The following ZNF611 variants were observed in gnomAD, a reference collection of about 807,000 sequenced individuals.
ZNF611 encodes zinc finger protein 611.
Under a neutral mutation model 8.9 loss-of-function variants are expected in ZNF611, and 6 were observed. That is an observed-to-expected ratio of 0.68 (90% CI 0.37 to 1.34). The LOEUF is 1.34. Among genes scored for constraint, ZNF611 ranks in the 40% most tolerant of loss-of-function variants. The pLI, the probability that ZNF611 is intolerant of heterozygous loss-of-function variation, is 0.02. For missense variants in ZNF611, 874 were observed against 841.3 expected, an observed-to-expected ratio of 1.04 and a Z score of -0.48; for synonymous variants, 262 against 279.7, an observed-to-expected ratio of 0.94 and a Z score of 0.63.
rs780930363 is a variant in ZNF611, at chr19:52,705,534, C to T, written c.1521G>A (p.Glu507=). Residue 507 remains glutamate (E), a synonymous_variant, in exon 6 of 6, where the codon GAG becomes GAA. Transcript: ENST00000652185. ...LLIHKSIHTG[E]QPYKCDECEK... ...CACATTCATCACATTTGTAAGGTTG[C>T]TCCCCAGTATGAATTGACTTATGAA... is the stretch of plus-strand genomic sequence containing the variant. 8.7e-6 allele frequency: 14 copies of T among 1,613,948 alleles called. 1 individual carries two copies. The Admixed American group carries it at 1.8e-4, about 21-fold the overall frequency.
At chr19:52,713,762 A>T (rs1487090047) in intron 5 of ZNF611, among the ~76,000 whole-genome samples, 3 of 152,024 alleles carry the variant, frequency 2.0e-5, no homozygotes, top group Non-Finnish European at 4.4e-5. Context: ...GTGGTCTCGC[A>T]TGCCTATAAT....
chr19:52,711,578 A>T lies in ZNF611; in HGVS notation c.190+2437T>A, dbSNP rs141851193. ...ACACAGAAAATATGAGGAGAACAGA[A>T]AGAAGTACATCAAGGGGGATACAAG... On this transcript the variant is annotated intron_variant, in intron 5 of 5. Coordinates refer to ENST00000652185, the MANE Select transcript of ZNF611 (RefSeq NM_001161499.2). Among the ~76,000 whole-genome samples, 465 of 152,266 alleles carry T rather than the reference A, an allele frequency of 3.1e-3. 2 individuals carry two copies. Among genetic ancestry groups the T allele is most frequent in the African/African-American group, 9.7e-3 (404 of 41,536 alleles).
chr19:52,712,482 A>C (rs1436684886), intron 5 of ZNF611, among the ~76,000 whole-genome samples: 1 of 148,676 alleles, frequency 6.7e-6, no homozygotes, highest in Non-Finnish European at 1.5e-5. Context: ...AAAAAAAAAA[A>C]AAAAACATTG....
At chr19:52,713,614 G>C (rs2062294670) in intron 5 of ZNF611, among the ~76,000 whole-genome samples, 1 of 152,108 alleles carries the variant, frequency 6.6e-6, no homozygotes, top group African/African-American at 2.4e-5. Flanking sequence ...AGAATGAGCT[G>C]GGCATGGTGG....
chr19:52,725,826 G>A (rs553469621), intron 3 of ZNF611, among the ~76,000 whole-genome samples: 1 of 152,264 alleles, frequency 6.6e-6, no homozygotes, highest in East Asian at 1.9e-4. Flanking sequence ...CGGGGCCTGG[G>A]TGGGACAGAG....
chr19:52,706,363 A>G lies in ZNF611; in HGVS notation c.692T>C (p.Phe231Ser), dbSNP rs1191460495. Residue 231 changes from phenylalanine (F) to serine (S), a missense_variant, in exon 6 of 6, where the codon TTC becomes TCC. Phe to Ser is a radical substitution (Grantham distance 155, BLOSUM62 -2). Transcript: ENST00000652185. ...GGCTTTGCCACTCTTATTACATTGG[A>G]AAGATTTTTCTCTCATGTGTACTTC... The part of the protein sequence containing the change: ...KQEVHMREKS[F>S]QCNKSGKAFN... The G allele has an allele frequency of 1.9e-6, 3 of 1,614,188 alleles. No individual in the cohort carries two copies. Among genetic ancestry groups the G allele is most frequent in the Non-Finnish European group, 2.5e-6 (3 of 1,180,042 alleles).
chr19:52,734,536 C>G (rs867374468), intron 1 of ZNF611, among the ~76,000 whole-genome samples: 30 of 129,324 alleles, frequency 2.3e-4, no homozygotes, highest in East Asian at 7.6e-4. Flanking sequence ...AGGTGCGGGG[C>G]GGGGGGGGGG....
Position 52,735,008 on chromosome 19 carries a change from A to T in ZNF611, c.-229T>A, listed in dbSNP as rs1456270629. 1 of 153,080 alleles carries T rather than the reference A, an allele frequency of 6.5e-6. No homozygotes were observed. Among genetic ancestry groups the T allele is most frequent in the African/African-American group, 2.4e-5 (1 of 41,408 alleles). The allele number at this position is 153,080 out of a possible 1,614,324, so 9.5% of individuals were successfully genotyped here. A position where few individuals can be genotyped will look rare whatever the true frequency, so the allele number is the denominator to read the frequency against. ...ACACAGAGCAAAACTCACCGCGGCG[A>T]TATGACCTACACTCCACCCGATCCG... On this transcript the variant is annotated 5_prime_UTR_variant, in exon 1 of 6. Transcript: ENST00000652185.
At chr19:52,725,054 A>G (rs938942659) in intron 3 of ZNF611, among the ~76,000 whole-genome samples, 2 of 151,294 alleles carry the variant, frequency 1.3e-5, no homozygotes, top group African/African-American at 2.4e-5. Flanking sequence ...CCCTCTCTCT[A>G]TCTCCTCATC....
chr19:52,725,378 A>C (rs147872762), intron 3 of ZNF611, among the ~76,000 whole-genome samples: 1,534 of 152,250 alleles, frequency 0.01, 17 homozygotes, highest in African/African-American at 0.034. Flanking sequence ...GCTCCAGGGG[A>C]GGCCGACGGG....
chr19:52,714,756 T>A (rs533185604), intron 4 of ZNF611, among the ~76,000 whole-genome samples: 38 of 135,928 alleles, frequency 2.8e-4, no homozygotes, highest in African/African-American at 1.0e-3. Flanking sequence ...TCCCAGCACT[T>A]TGGGAGACCA....
chr19:52,726,722 G>GTTTTTTTTTTTTT (rs56146245), intron 3 of ZNF611, among the ~76,000 whole-genome samples: 1 of 130,304 alleles, frequency 7.7e-6, no homozygotes. Flanking sequence ...TCGGCCTTGT[G>GTTTTTTTTTTTTT]TTTTTTTTTT....
intron 1 of ZNF611, among the ~76,000 whole-genome samples, chr19:52,734,539 G>GGC (rs1377054628): frequency 5.7e-5 from 3 of 52,208 alleles, no homozygotes; most frequent in Non-Finnish European, 1.1e-4. Flanking sequence ...TGCGGGGCGG[G>GGC]GGGGGGGGGC....
chr19:52,704,627 T>A lies in ZNF611; in HGVS notation c.*310A>T. ...TTGTAAGATCTCTCTTCATTATGGA[T>A]TCTCCAATGATTTGTAATCGTTGTA... On this transcript the variant is annotated 3_prime_UTR_variant, in exon 6 of 6. Transcript: ENST00000652185. 6.3e-7 allele frequency: 1 copy of A among 1,587,620 alleles called. No homozygotes were observed. The highest frequency in any genetic ancestry group is 1.7e-4 in the Middle Eastern group (1 of 5,990).
chr19:52,726,079 C>T (rs7260269), intron 3 of ZNF611, among the ~76,000 whole-genome samples: 96,092 of 152,090 alleles, frequency 0.63, 30,689 homozygotes, highest in African/African-American at 0.72. Flanking sequence ...ATGCTGATGG[C>T]CCACAGAACA....
chr19:52,720,588 G>A (rs561447257), intron 3 of ZNF611, among the ~76,000 whole-genome samples: 29 of 148,692 alleles, frequency 2.0e-4, no homozygotes, highest in African/African-American at 6.9e-4. Flanking sequence ...CTTCCCAGAC[G>A]GGGCAGCTGC....
chr19:52,722,905 G>GTTTT (rs372056346), intron 3 of ZNF611, among the ~76,000 whole-genome samples: 22 of 120,006 alleles, frequency 1.8e-4, no homozygotes, highest in African/African-American at 3.7e-4. Context: ...TTTTGTTTTC[G>GTTTT]TTTTTTTTTT....
intron 1 of ZNF611, among the ~76,000 whole-genome samples, chr19:52,731,904 A>G (rs565869036): frequency 6.6e-6 from 1 of 150,908 alleles, no homozygotes; most frequent in African/African-American, 2.4e-5. Flanking sequence ...CTAGGAAGCC[A>G]AGGTTGTGGT....
intron 3 of ZNF611, among the ~76,000 whole-genome samples, chr19:52,721,964 C>T (rs1568606971): frequency 6.6e-6 from 1 of 152,060 alleles, no homozygotes; most frequent in East Asian, 1.9e-4. Context: ...GCAGGAGAAT[C>T]GCTTCAACCC....
Sources: gnomAD v4.1 joint callset for allele counts (sites outside exome capture counted in the v4.1 genomes callset) on GRCh38, gnomAD v4.1.1 for gene constraint, MANE v1.5 for transcripts, NCBI Gene and HGNC (gene_info 2026-07-23, HGNC 2026-07-21) for gene names.